Variants in ARSG observed in about 807,000 individuals in gnomAD.
ARSG encodes arylsulfatase G, also known as ASG.
ARSG carries 37 observed loss-of-function variants against 50.5 expected under a neutral mutation model. The observed-to-expected ratio is 0.73, with a 90% CI of 0.56 to 0.96. The LOEUF (loss-of-function observed/expected upper bound fraction) is 0.96. ARSG is among the 50% of genes least tolerant of loss of function. The pLI, the probability that ARSG is intolerant of heterozygous loss-of-function variation, is 0.00. For synonymous variants in ARSG, 225 were observed against 254.6 expected (o/e 0.88, Z 1.11); for missense variants, 629 against 675.3 (o/e 0.93, Z 0.76).
intron 1 of ARSG, among the ~76,000 whole-genome samples, chr17:68,296,913 A>G (rs1385833969): frequency 6.6e-6 from 1 of 152,230 alleles, no homozygotes; most frequent in Non-Finnish European, 1.5e-5. Flanking sequence ...TAGAAAAGTC[A>G]TCTAAGTTGA....
At chr17:68,394,950 A>T in intron 9 of ARSG, 123 bp from the exon 10 acceptor site, 2 of 1,387,516 alleles carry the variant, frequency 1.4e-6, no homozygotes, top group Non-Finnish European at 2.0e-6. Context: ...TAGAGAAGTT[A>T]AGCCAGCCCA....
intron 9 of ARSG, among the ~76,000 whole-genome samples, chr17:68,389,435 C>T (rs2147076848): frequency 6.6e-6 from 1 of 151,958 alleles, no homozygotes; most frequent in East Asian, 1.9e-4. Context: ...AGGCTTGCCC[C>T]TCATGTCTCC....
At chr17:68,450,677 T>C in the ARSG span, 1 of 1,548,128 alleles carries the variant, frequency 6.5e-7, no homozygotes, top group Non-Finnish European at 8.7e-7. Context: ...ATCTTTTTGT[T>C]TGGCTCCCGT....
the ARSG span, chr17:68,450,620 T>G: frequency 7.1e-7 from 1 of 1,400,622 alleles, no homozygotes; most frequent in Non-Finnish European, 9.7e-7. Flanking sequence ...AACATTCTCA[T>G]TAGAATTGGA....
rs965597445 is a variant in ARSG, at chr17:68,363,767, G to A, written c.705-4781G>A. On this transcript the variant is annotated intron_variant, in intron 6 of 11. Coordinates refer to ENST00000621439, the MANE Select transcript of ARSG (RefSeq NM_001267727.2). ...CAGGCGTGAGCCATCGTGCCTGGCC[G>A]AGCCCTAGTACGTTTCTAAATAGAG... is the stretch of plus-strand genomic sequence containing the variant. 7.2e-5 allele frequency among the ~76,000 whole-genome samples: 11 copies of A among 152,140 alleles called. No individual in the cohort carries two copies. In the East Asian group the frequency reaches 1.2e-3, roughly 16 times the overall value.
At chr17:68,426,254 G>GGGGGGGGGGGGGT, downstream of ARSG, 3 of 816,924 alleles carry the variant, frequency 3.7e-6, no homozygotes, top group Non-Finnish European at 3.9e-6. Context: ...GGGAGCGGGG[G>GGGGGGGGGGGGGT]CTCAAATAAA....
intron 1 of ARSG, among the ~76,000 whole-genome samples, chr17:68,280,636 TA>T (rs1329838133): frequency 6.6e-6 from 1 of 152,196 alleles, no homozygotes; most frequent in Non-Finnish European, 1.5e-5. Flanking sequence ...AACAATCAAC[TA>T]AAAATGGATC....
At chr17:68,425,372 TTTTTC>T (rs1239549090), downstream of ARSG, among the ~76,000 whole-genome samples, 10 of 134,736 alleles carry the variant, frequency 7.4e-5, no homozygotes, top group Non-Finnish European at 1.1e-4. Flanking sequence ...CCCGGCTAAT[TTTTTC>T]TTTTCTTTTT....
rs782237944 is a variant in ARSG at position 68,271,224 on chromosome 17, G to A, written c.-552+11798G>A. 12 of 1,614,076 alleles carry A rather than the reference G, an allele frequency of 7.4e-6. No homozygotes were observed. In the South Asian group the frequency reaches 1.1e-4, roughly 15 times the overall value. ...TAATGCCCAGAGGAATGATGTACAA[G>A]GAAGGTGCAAAGAATCCCAGTGTTG... On this transcript the variant is annotated intron_variant, in intron 1 of 11. Coordinates refer to the ARSG transcript ENST00000448504. This position sits in a 1 kb window ranked among gnomAD's most constrained non-coding sequence, Gnocchi z 5.3.
At chr17:68,287,682 C>G (rs1176374226), upstream of ARSG, among the ~76,000 whole-genome samples, 5 of 152,120 alleles carry the variant, frequency 3.3e-5, no homozygotes, top group African/African-American at 1.2e-4. Flanking sequence ...CCCGTCCTAC[C>G]CCCAAGGTTT....
chr17:68,367,494 C>T lies in ARSG; in HGVS notation c.705-1054C>T, dbSNP rs542107609. On this transcript the variant is annotated intron_variant, in intron 6 of 11. Coordinates refer to ENST00000621439, the MANE Select transcript of ARSG (RefSeq NM_001267727.2). The surrounding 1 kb of genome is among the most constrained non-coding windows in gnomAD (Gnocchi z 4.5). ...CTTGTTTGGTGTCCTCTGAAAGACC[C>T]CCCATGGATGGATCTGTGGGAGAGG... Among the ~76,000 whole-genome samples the T allele has an allele frequency of 2.0e-5, 3 of 152,252 alleles. No homozygotes were observed. The South Asian group carries it at 6.2e-4, about 32-fold the overall frequency.
downstream of ARSG, chr17:68,426,254 G>GGGGGGGGGGGGGGGC: frequency 2.4e-6 from 2 of 816,924 alleles, no homozygotes; most frequent in Non-Finnish European, 3.9e-6. Context: ...GGGAGCGGGG[G>GGGGGGGGGGGGGGGC]CTCAAATAAA....
At chr17:68,360,382 C>A (rs187623999) in intron 6 of ARSG, among the ~76,000 whole-genome samples, 28 of 152,302 alleles carry the variant, frequency 1.8e-4, no homozygotes, top group South Asian at 2.1e-4. Flanking sequence ...GCCCCTCCCC[C>A]ACCTTGGACC....
chr17:68,297,050 G>A (rs2076234033), intron 1 of ARSG, among the ~76,000 whole-genome samples: 1 of 152,216 alleles, frequency 6.6e-6, no homozygotes, highest in African/African-American at 2.4e-5. Flanking sequence ...GAATTATGCA[G>A]TGCATAAACT....
chr17:68,380,091 G>A (rs771679548), intron 8 of ARSG, among the ~76,000 whole-genome samples: 6 of 151,974 alleles, frequency 3.9e-5, no homozygotes, highest in Admixed American at 6.6e-5. Context: ...CCTACTCAAC[G>A]TGAAGACAAC....
chr17:68,325,554 G>A (rs534676054), intron 2 of ARSG, among the ~76,000 whole-genome samples: 7 of 152,240 alleles, frequency 4.6e-5, no homozygotes, highest in African/African-American at 1.7e-4. Flanking sequence ...GGAAGGTGGG[G>A]GATAGCTGAC....
At chr17:68,312,208 C>T (rs1304871530) in intron 2 of ARSG, among the ~76,000 whole-genome samples, 1 of 152,176 alleles carries the variant, frequency 6.6e-6, no homozygotes, top group Non-Finnish European at 1.5e-5. Context: ...AATGCCTCAT[C>T]TGTTCTTTCC....
intron 11 of ARSG, among the ~76,000 whole-genome samples, chr17:68,416,635 C>T (rs865993461): frequency 3.3e-5 from 5 of 152,156 alleles, no homozygotes; most frequent in African/African-American, 1.2e-4. Flanking sequence ...AACATAATCC[C>T]AGCCTTCTTG....
intron 6 of ARSG, 125 bp from the exon 7 acceptor site, chr17:68,368,423 C>A: frequency 1.3e-6 from 1 of 790,674 alleles, no homozygotes; most frequent in Non-Finnish European, 2.0e-6. Context: ...ATAAATGTGT[C>A]CTTCTTGAGC....
Sources: gnomAD v4.1 joint callset for allele counts (sites outside exome capture counted in the v4.1 genomes callset) on GRCh38, gnomAD v4.1.1 for gene constraint, Gnocchi (gnomAD v3.1) non-coding constraint, MANE v1.5 for transcripts, NCBI Gene and HGNC (gene_info 2026-07-23, HGNC 2026-07-21) for gene names.